The following ADCY10 variants were observed in gnomAD, a reference collection of about 807,000 sequenced individuals.
ADCY10 encodes adenylate cyclase 10.
A neutral mutation model predicts 183.3 loss-of-function variants in ADCY10; 156 were observed. The ratio of observed to expected loss-of-function variants is 0.85; its 90% CI spans 0.75 to 0.97. The LOEUF is 0.97. ADCY10 is among the 50% of genes least tolerant of loss of function. The pLI, the probability that ADCY10 is intolerant of heterozygous loss-of-function variation, is 0.00. For missense variants in ADCY10, 1,745 were observed against 1,934.3 expected (o/e 0.90, Z 1.84); for synonymous variants, 645 against 670.0 (o/e 0.96, Z 0.58).
At chr1:167,908,228 A>T (rs759848881) in intron 1 of ADCY10, among the ~76,000 whole-genome samples, 3 of 152,278 alleles carry the variant, frequency 2.0e-5, no homozygotes, top group Non-Finnish European at 4.4e-5. Flanking sequence ...GCCGTAAAAC[A>T]GAAGGAAATT....
At chr1:167,821,446 G>A (rs1029971876) in intron 30 of ADCY10, among the ~76,000 whole-genome samples, 1 of 152,210 alleles carries the variant, frequency 6.6e-6, no homozygotes, top group African/African-American at 2.4e-5. Flanking sequence ...AACTCAGTCC[G>A]TGTCTCTCTC....
intron 15 of ADCY10, among the ~76,000 whole-genome samples, chr1:167,860,201 T>TTC (rs1666193225): frequency 6.6e-6 from 1 of 152,126 alleles, no homozygotes; most frequent in Non-Finnish European, 1.5e-5. Context: ...ATAGAATCAG[T>TTC]GGGAGCCCTG....
Position 167,856,314 on chromosome 1 carries a change from G to C in ADCY10, c.2022C>G (p.Pro674=). The C allele has an allele frequency of 2.5e-6, 4 of 1,614,060 alleles. No individual in the cohort carries two copies. The highest frequency in any genetic ancestry group is 3.3e-5 in the Admixed American group (2 of 60,016). The change falls in exon 17 of 33, where the codon CCC becomes CCG. Residue 674 remains proline (P), a synonymous_variant. Coordinates refer to ENST00000367851, the MANE Select transcript of ADCY10 (RefSeq NM_018417.6). ...CAGCTGCACAGGGAATGTTAACGAA[G>C]GGACACAGGGACATAATGATGAAGA... ...LPIFIIMSLC[P]FVNIPCAAAR...
intron 24 of ADCY10, among the ~76,000 whole-genome samples, chr1:167,833,484 G>A (rs967222072): frequency 6.6e-6 from 1 of 152,168 alleles, no homozygotes; most frequent in Non-Finnish European, 1.5e-5. Flanking sequence ...GGTGGCTAAC[G>A]CCTGTAATCC....
chr1:167,814,217 T>C (rs1472553691), intron 31 of ADCY10, among the ~76,000 whole-genome samples: 1 of 151,928 alleles, frequency 6.6e-6, no homozygotes, highest in Admixed American at 6.6e-5. Context: ...AATTACATAC[T>C]AAAAGAGACT....
chr1:167,911,329 T>A (rs967024445), intron 1 of ADCY10, among the ~76,000 whole-genome samples: 1 of 152,252 alleles, frequency 6.6e-6, no homozygotes, highest in Admixed American at 6.5e-5. Context: ...TTCTTAAATA[T>A]CTGCTAGCCA....
intron 2 of ADCY10, 177 bp downstream of exon 2, chr1:167,904,816 G>A (rs756931191): frequency 5.4e-5 from 42 of 772,648 alleles, no homozygotes; most frequent in Non-Finnish European, 8.1e-5. Context: ...GGGAGGATGA[G>A]AGAGAGCCAG....
chr1:167,842,190 G>A (rs1259477553), intron 21 of ADCY10, among the ~76,000 whole-genome samples: 1 of 152,092 alleles, frequency 6.6e-6, no homozygotes, highest in Non-Finnish European at 1.5e-5. Flanking sequence ...CTTTTGGGGA[G>A]AGCAGTGGCC....
Position 167,824,874 on chromosome 1 carries a change from G to A in ADCY10, c.3751-19C>T. The A allele has an allele frequency of 3.1e-6, 5 of 1,609,502 alleles. No individual in the cohort carries two copies. Among genetic ancestry groups the A allele is most frequent in the South Asian group, 1.1e-5 (1 of 90,976 alleles). On this transcript the variant is annotated intron_variant, in intron 26 of 32. Transcript: ENST00000367851. ...TAATGATCTGAAATGGCAGAGTGGA[G>A]GAAGAGTGAGGCAGAACGCAAAGCA...
intron 18 of ADCY10, among the ~76,000 whole-genome samples, chr1:167,852,973 G>A (rs551796191): frequency 4.2e-4 from 64 of 152,224 alleles, no homozygotes; most frequent in African/African-American, 1.3e-3. Context: ...AGGAGGCAGG[G>A]GTTTTTAGGA....
At chr1:167,864,392 G>A (rs1007179774) in intron 14 of ADCY10, among the ~76,000 whole-genome samples, 3 of 152,144 alleles carry the variant, frequency 2.0e-5, no homozygotes, top group African/African-American at 7.2e-5. Context: ...AACATTAGAG[G>A]TGGGTTGGCC....
At chr1:167,907,588 G>A (rs945033335) in intron 1 of ADCY10, among the ~76,000 whole-genome samples, 1 of 152,172 alleles carries the variant, frequency 6.6e-6, no homozygotes, top group Non-Finnish European at 1.5e-5. Flanking sequence ...AAGTAGACAG[G>A]GAAGTGCACT....
rs755017653 is a variant in ADCY10 at position 167,896,314 on chromosome 1, C to T, written c.739+281G>A. ...TGAAGGTTAGGAGGGGAAAGCAGCA[C>T]GGAAAGAAGCTTTACTTTTTCTTTT... On this transcript the variant is annotated intron_variant, in intron 7 of 32. Coordinates refer to ENST00000367851, the MANE Select transcript of ADCY10 (RefSeq NM_018417.6). Among the ~76,000 whole-genome samples, 12 of 152,082 alleles carry T rather than the reference C, an allele frequency of 7.9e-5. No individual in the cohort carries two copies. The East Asian group carries it at 1.3e-3, about 17-fold the overall frequency.
At chr1:167,888,862 G>A (rs1270369581) in intron 8 of ADCY10, among the ~76,000 whole-genome samples, 11 of 130,822 alleles carry the variant, frequency 8.4e-5, no homozygotes, top group Non-Finnish European at 1.7e-4. Context: ...GGCGAAAGAG[G>A]GAGACTCCGT....
At chr1:167,815,074 G>A (rs1051539494) in intron 31 of ADCY10, among the ~76,000 whole-genome samples, 11 of 151,982 alleles carry the variant, frequency 7.2e-5, no homozygotes, top group Admixed American at 3.3e-4. Flanking sequence ...GCAGTGAGCC[G>A]AGATCACGCC....
intron 7 of ADCY10, 70 bp from the exon 8 acceptor site, chr1:167,894,011 C>A: frequency 9.7e-7 from 1 of 1,032,728 alleles, no homozygotes; most frequent in Non-Finnish European, 1.5e-6. Flanking sequence ...TGAGAGGAGG[C>A]TCCCAGTCCC....
intron 21 of ADCY10, among the ~76,000 whole-genome samples, chr1:167,839,724 T>C (rs749624898): frequency 2.2e-4 from 34 of 152,208 alleles, no homozygotes; most frequent in Non-Finnish European, 4.7e-4. Context: ...GAGACATGTC[T>C]ATCTTAATAA....
intron 1 of ADCY10, among the ~76,000 whole-genome samples, chr1:167,908,376 G>A (rs574943540): frequency 3.3e-5 from 5 of 152,274 alleles, no homozygotes; most frequent in Admixed American, 1.3e-4. Flanking sequence ...AAGCAGAGTA[G>A]AATGGTGATG....
chr1:167,840,142 G>C (rs1664508481), intron 21 of ADCY10, among the ~76,000 whole-genome samples: 1 of 151,920 alleles, frequency 6.6e-6, no homozygotes, highest in Non-Finnish European at 1.5e-5. Flanking sequence ...TGAGGTGGGA[G>C]GATGGCTTGA....
Sources: allele counts gnomAD v4.1 joint callset (sites outside exome capture counted in the v4.1 genomes callset), GRCh38; gene constraint gnomAD v4.1.1; transcripts MANE v1.5; gene names NCBI Gene and HGNC (gene_info 2026-07-23, HGNC 2026-07-21).